SMPDL3A: variants seen among roughly 807,000 people sequenced by gnomAD.
SMPDL3A encodes sphingomyelin phosphodiesterase acid like 3A.
SMPDL3A carries 39 observed loss-of-function variants against 38.5 expected under a neutral mutation model. The observed-to-expected ratio is 1.01, with a 90% CI of 0.78 to 1.32. The LOEUF is 1.32. SMPDL3A is among the 40% of genes most tolerant of loss of function. SMPDL3A has a pLI of 0.00. For synonymous variants in SMPDL3A, 180 were observed against 194.3 expected (o/e 0.93, Z 0.61); for missense variants, 502 against 536.2 (o/e 0.94, Z 0.63).
chr6:122,807,804 A>G (rs1280992445), intron 7 of SMPDL3A, among the ~76,000 whole-genome samples: 6 of 152,148 alleles, frequency 3.9e-5, no homozygotes, highest in African/African-American at 1.2e-4. Context: ...GGTTTTATTC[A>G]TAAATATTTG....
chr6:122,795,351 C>T (rs1376754051), intron 1 of SMPDL3A, among the ~76,000 whole-genome samples: 1 of 152,112 alleles, frequency 6.6e-6, no homozygotes, highest in African/African-American at 2.4e-5. Flanking sequence ...CCATGTTGGC[C>T]AGGTTGGTCT....
chr6:122,806,947 G>A (rs534969416), intron 7 of SMPDL3A, among the ~76,000 whole-genome samples: 1 of 152,300 alleles, frequency 6.6e-6, no homozygotes, highest in South Asian at 2.1e-4. Flanking sequence ...CTGGAGTGTA[G>A]TGGTGCGATC....
At chr6:122,789,802 C>A in intron 1 of SMPDL3A, 1 of 982,598 alleles carries the variant, frequency 1.0e-6, no homozygotes, top group Admixed American at 6.1e-5. Flanking sequence ...GGAAAAGCTG[C>A]GGGACTCAAG....
In SMPDL3A at chr6:122,805,094, T is replaced by G; in HGVS notation, c.919+5T>G. 3.1e-6 allele frequency: 5 copies of G among 1,591,942 alleles called. No individual in the cohort carries two copies. Among genetic ancestry groups the G allele is most frequent in the Non-Finnish European group, 4.3e-6 (5 of 1,170,914 alleles). ...TGGTTCTTTCAGATAAAAAAGGTAA[T>G]GTAATGCTGTGTTTGCATCTCCCCA... On this transcript the variant is annotated splice_donor_5th_base_variant and intron_variant, in intron 6 of 7. Transcript: ENST00000368440.
intron 4 of SMPDL3A, among the ~76,000 whole-genome samples, chr6:122,802,338 A>G (rs1482417182): frequency 1.3e-5 from 2 of 151,846 alleles, no homozygotes; most frequent in Non-Finnish European, 2.9e-5. Context: ...AGTAGCTGGG[A>G]TTACAGGCAC....
intron 4 of SMPDL3A, 78 bp downstream of exon 4, chr6:122,801,484 C>A: frequency 9.9e-7 from 1 of 1,013,326 alleles, no homozygotes; most frequent in Non-Finnish European, 1.6e-6. Flanking sequence ...TTAATGTTTG[C>A]TTGAGTGTGC....
chr6:122,802,852 T>TGG (rs1781470060), intron 4 of SMPDL3A, among the ~76,000 whole-genome samples: 1 of 152,042 alleles, frequency 6.6e-6, no homozygotes, highest in African/African-American at 2.4e-5. Context: ...AACTTTGTCA[T>TGG]CCCAGAGGCC....
chr6:122,794,330 G>A (rs761633193), intron 1 of SMPDL3A, among the ~76,000 whole-genome samples: 8 of 152,158 alleles, frequency 5.3e-5, no homozygotes, highest in Non-Finnish European at 8.8e-5. Flanking sequence ...GGGTGTGGTG[G>A]CTCACGCCTG....
intron 1 of SMPDL3A, among the ~76,000 whole-genome samples, chr6:122,792,819 C>A (rs1408748288): frequency 1.3e-5 from 2 of 151,922 alleles, no homozygotes; most frequent in African/African-American, 2.4e-5. Flanking sequence ...TGAGCTCAAG[C>A]GATCTTCCTG....
rs1289625968 is a variant in SMPDL3A, at chr6:122,801,426, A to G, written c.568+20A>G. On this transcript the variant is annotated intron_variant, in intron 4 of 7. Coordinates refer to ENST00000368440, the MANE Select transcript of SMPDL3A (RefSeq NM_006714.5). Reference sequence around the variant, plus strand: ...GGAAAGGTAAGTGAAAGACTTAGTTATTCCTATTTTGCCTCAATTTTTATT... The same window carrying G: ...GGAAAGGTAAGTGAAAGACTTAGTTGTTCCTATTTTGCCTCAATTTTTATT... The G allele has an allele frequency of 1.3e-6, 2 of 1,506,292 alleles. No individual in the cohort carries two copies. Among genetic ancestry groups the G allele is most frequent in the Non-Finnish European group, 9.2e-7 (1 of 1,083,338 alleles). 93.3% of individuals were successfully genotyped at this position (1,506,292 alleles called of 1,614,324 possible).
chr6:122,809,059 G>T, intron 7 of SMPDL3A, 32 bp from the exon 8 acceptor site: 1 of 1,557,728 alleles, frequency 6.4e-7, no homozygotes, highest in South Asian at 1.1e-5. Context: ...GCCAAAAAGT[G>T]AACCAGGTTT....
At chr6:122,789,691 C>G (rs1047125708) in intron 1 of SMPDL3A, 4 of 429,040 alleles carry the variant, frequency 9.3e-6, no homozygotes, top group African/African-American at 8.7e-5. Flanking sequence ...GGGAAATGCC[C>G]TCGCCGGTGG....
At chr6:122,802,307 T>C (rs1427751189) in intron 4 of SMPDL3A, among the ~76,000 whole-genome samples, 3 of 151,878 alleles carry the variant, frequency 2.0e-5, no homozygotes, top group Non-Finnish European at 4.4e-5. Flanking sequence ...TTTCAAGCGA[T>C]TCTCCTGCTG....
At chr6:122,793,202 A>G (rs1781134277) in intron 1 of SMPDL3A, among the ~76,000 whole-genome samples, 1 of 152,188 alleles carries the variant, frequency 6.6e-6, no homozygotes, top group African/African-American at 2.4e-5. Context: ...TTTGAAGTTA[A>G]AAAAATAACA....
intron 7 of SMPDL3A, among the ~76,000 whole-genome samples, chr6:122,808,157 A>G (rs1781698021): frequency 6.6e-6 from 1 of 152,214 alleles, no homozygotes; most frequent in Non-Finnish European, 1.5e-5. Context: ...GAAAAAGCCA[A>G]AAATGTAAAT....
chr6:122,805,050 A>T lies in SMPDL3A; in HGVS notation c.880A>T (p.Thr294Ser). Residue 294 changes from threonine to serine, a missense_variant, in exon 6 of 8, where the codon ACT (threonine) becomes TCT (serine). Physicochemically the swap from Thr to Ser is moderately conservative, Grantham distance 58. Transcript: ENST00000368440. ...CATTGCAGGACAATTTTATGGACAC[A>T]CTCACAGAGACAGCATTATGGTTCT... is the stretch of plus-strand genomic sequence containing the variant. ...DVIAGQFYGH[T>S]HRDSIMVLSD... is the part of the protein sequence containing the mutation. The T allele has an allele frequency of 6.2e-7, 1 of 1,611,048 alleles. No individual in the cohort carries two copies. Among genetic ancestry groups the T allele is most frequent in the Non-Finnish European group, 8.5e-7 (1 of 1,179,228 alleles).
chr6:122,808,392 C>T (rs904005810), intron 7 of SMPDL3A, among the ~76,000 whole-genome samples: 15 of 152,234 alleles, frequency 9.9e-5, no homozygotes, highest in Admixed American at 3.9e-4. Flanking sequence ...ATTTGACAGT[C>T]GGCTTTTGTG....
chr6:122,808,576 T>G (rs1056122290), intron 7 of SMPDL3A, among the ~76,000 whole-genome samples: 1 of 151,800 alleles, frequency 6.6e-6, no homozygotes, highest in Non-Finnish European at 1.5e-5. Context: ...GATACAGGTT[T>G]TTTATTGAGC....
chr6:122,796,592 T>G (rs1021705514), intron 2 of SMPDL3A, among the ~76,000 whole-genome samples: 10 of 152,326 alleles, frequency 6.6e-5, no homozygotes, highest in Non-Finnish European at 1.5e-4. Context: ...AGTCAGGTAG[T>G]GAAATAGGCT....
Sources: gnomAD v4.1 joint callset for allele counts (sites outside exome capture counted in the v4.1 genomes callset) on GRCh38, gnomAD v4.1.1 for gene constraint, MANE v1.5 for transcripts, NCBI Gene and HGNC (gene_info 2026-07-23, HGNC 2026-07-21) for gene names.